PLXNA2: variants seen among roughly 807,000 people sequenced by gnomAD.
The protein encoded by PLXNA2 is plexin-A2.
Under a neutral mutation model 193.5 loss-of-function variants are expected in PLXNA2, and 91 were observed. The observed-to-expected ratio is 0.47, with a 90% CI of 0.40 to 0.56. PLXNA2 has a LOEUF of 0.56. Among genes scored for constraint, PLXNA2 ranks in the 20% least tolerant of loss-of-function variants. The pLI, the probability that PLXNA2 is intolerant of heterozygous loss-of-function variation, is 0.00. For missense variants in PLXNA2, 1,995 were observed against 2,503.2 expected (o/e 0.80, Z 4.33); for synonymous variants, 997 against 1,027.3 (o/e 0.97, Z 0.56).
intron 3 of PLXNA2, among the ~76,000 whole-genome samples, chr1:208,183,475 G>C (rs1400974110): frequency 6.6e-6 from 1 of 152,156 alleles, no homozygotes; most frequent in Non-Finnish European, 1.5e-5. Flanking sequence ...AGCTGTTGCT[G>C]ACAGAAAAGA....
At chr1:208,203,995 C>G (rs1415890910) in intron 3 of PLXNA2, among the ~76,000 whole-genome samples, 1 of 152,154 alleles carries the variant, frequency 6.6e-6, no homozygotes, top group Non-Finnish European at 1.5e-5. Flanking sequence ...CTTAGTAAAT[C>G]GTTTGTGCGA....
At chr1:208,218,088 G>T (rs993472759) in intron 1 of PLXNA2, 86 bp from the exon 2 acceptor site, 1 of 1,196,150 alleles carries the variant, frequency 8.4e-7, no homozygotes, top group Non-Finnish European at 1.2e-6. Context: ...TCCCCATCCT[G>T]GTTTAGCTCT....
At chr1:208,064,266 T>C (rs1373750396) in intron 12 of PLXNA2, among the ~76,000 whole-genome samples, 3 of 152,240 alleles carry the variant, frequency 2.0e-5, no homozygotes, top group Non-Finnish European at 4.4e-5. Flanking sequence ...GTAAATCTAC[T>C]TTCCAGTAGC....
At chr1:208,029,379 T>C (rs998037799) in intron 29 of PLXNA2, 35 of 1,091,040 alleles carry the variant, frequency 3.2e-5, no homozygotes, top group Non-Finnish European at 3.9e-5. Flanking sequence ...GCACATTTTC[T>C]CAGGGCTTCA....
chr1:208,180,730 T>A (rs900210683), intron 3 of PLXNA2, among the ~76,000 whole-genome samples: 1 of 152,070 alleles, frequency 6.6e-6, no homozygotes, highest in East Asian at 1.9e-4. Flanking sequence ...CACGGGTGAG[T>A]CTTCAGAGAT....
chr1:208,184,219 A>G (rs1669930533), intron 3 of PLXNA2, among the ~76,000 whole-genome samples: 1 of 152,080 alleles, frequency 6.6e-6, no homozygotes, highest in Non-Finnish European at 1.5e-5. Flanking sequence ...TGAGACAGGG[A>G]GGAGGGAAGG....
intron 12 of PLXNA2, among the ~76,000 whole-genome samples, chr1:208,072,036 C>A (rs911117437): frequency 6.6e-6 from 1 of 152,210 alleles, no homozygotes; most frequent in South Asian, 2.1e-4. Context: ...AAGTGGAGAA[C>A]AGGAGCCAGC....
intron 15 of PLXNA2, 37 bp downstream of exon 15, chr1:208,052,290 T>A (rs928242172): frequency 6.2e-7 from 1 of 1,604,980 alleles, no homozygotes; most frequent in Non-Finnish European, 8.5e-7. Context: ...ATGTCCCAGA[T>A]GTGCAGTCTT....
intron 3 of PLXNA2, among the ~76,000 whole-genome samples, chr1:208,206,062 G>C (rs540164018): frequency 6.6e-5 from 10 of 152,304 alleles, no homozygotes; most frequent in Non-Finnish European, 1.2e-4. Context: ...GTTATATAAA[G>C]AGTAAATGAG....
At chr1:208,218,320 AG>A (rs1189380979) in intron 1 of PLXNA2, among the ~76,000 whole-genome samples, 1 of 152,102 alleles carries the variant, frequency 6.6e-6, no homozygotes, top group Non-Finnish European at 1.5e-5. Context: ...AAGTTCACCC[AG>A]CCAGTCAATT....
At chr1:208,111,306 G>T (rs1384938904) in intron 4 of PLXNA2, among the ~76,000 whole-genome samples, 2 of 152,028 alleles carry the variant, frequency 1.3e-5, no homozygotes, top group Admixed American at 1.3e-4. Flanking sequence ...GGGCTCAAGG[G>T]CTCTCCTACC....
chr1:208,081,872 G>A (rs1346452593), intron 11 of PLXNA2, among the ~76,000 whole-genome samples: 1 of 152,092 alleles, frequency 6.6e-6, no homozygotes, highest in Non-Finnish European at 1.5e-5. Context: ...TGAGTTTATA[G>A]GACGATGAAT....
At chr1:208,081,087 T>C (rs998474216) in intron 11 of PLXNA2, among the ~76,000 whole-genome samples, 1 of 152,218 alleles carries the variant, frequency 6.6e-6, no homozygotes, top group East Asian at 1.9e-4. Flanking sequence ...GAGTTTCCGA[T>C]GCAACAGCTC....
chr1:208,204,757 T>A (rs866095901), intron 3 of PLXNA2, among the ~76,000 whole-genome samples: 1 of 152,292 alleles, frequency 6.6e-6, no homozygotes, highest in Non-Finnish European at 1.5e-5. Flanking sequence ...CCCTCAAAGA[T>A]CTGTGAATCT....
chr1:208,217,079 G>T lies in PLXNA2; in HGVS notation c.844C>A (p.Arg282=). The T allele has an allele frequency of 1.2e-6, 2 of 1,614,112 alleles. No homozygotes were observed. The highest frequency in any genetic ancestry group is 1.7e-6 in the Non-Finnish European group (2 of 1,179,964). ...AACTTGGGGTCATCCTTGCAGAGCC[G>T]CACGATGCGTGAGGTGTAGAAGAGG... ...GDLFYTSRIV[R]LCKDDPKFHS... is the part of the protein sequence containing the mutation. The change falls in exon 2 of 32, where the codon CGG becomes AGG. Residue 282 remains arginine (R), a synonymous_variant. Transcript: ENST00000367033. The surrounding 1 kb of genome is among the most constrained non-coding windows in gnomAD (Gnocchi z 4.7).
At chr1:208,152,991 A>C (rs1668820159) in intron 3 of PLXNA2, among the ~76,000 whole-genome samples, 1 of 151,994 alleles carries the variant, frequency 6.6e-6, no homozygotes, top group South Asian at 2.1e-4. Flanking sequence ...TTACTTGTAA[A>C]CATATGCAGT....
chr1:208,090,996 T>C (rs1666688424), intron 9 of PLXNA2, among the ~76,000 whole-genome samples: 1 of 152,192 alleles, frequency 6.6e-6, no homozygotes, highest in Non-Finnish European at 1.5e-5. Flanking sequence ...CAGAGCAGTT[T>C]CATACTGTTG....
intron 29 of PLXNA2, chr1:208,030,595 G>C: frequency 1.0e-6 from 1 of 985,420 alleles, no homozygotes; most frequent in Non-Finnish European, 1.2e-6. Context: ...AGACCCGGGA[G>C]GAGGAAGGAA....
At chr1:208,074,112 A>G (rs1458609421) in intron 12 of PLXNA2, among the ~76,000 whole-genome samples, 1 of 152,152 alleles carries the variant, frequency 6.6e-6, no homozygotes, top group Non-Finnish European at 1.5e-5. Context: ...ACCCTCCCTG[A>G]GTTTATCTTC....
Sources: gnomAD v4.1 joint callset for allele counts (sites outside exome capture counted in the v4.1 genomes callset) on GRCh38, gnomAD v4.1.1 for gene constraint, Gnocchi (gnomAD v3.1) non-coding constraint, MANE v1.5 for transcripts, NCBI Gene and HGNC (gene_info 2026-07-23, HGNC 2026-07-21) for gene names.